PLXDC2: variants seen among roughly 807,000 people sequenced by gnomAD.
PLXDC2 encodes plexin domain containing 2.
PLXDC2 carries 40 observed loss-of-function variants against 68.9 expected under a neutral mutation model. The ratio of observed to expected loss-of-function variants is 0.58; its 90% CI spans 0.45 to 0.76. PLXDC2 has a LOEUF of 0.76. Ranked by LOEUF, PLXDC2 falls within the 30% of genes least tolerant of loss-of-function variation. The pLI, the probability that PLXDC2 is intolerant of heterozygous loss-of-function variation, is 0.00. For missense variants in PLXDC2, 644 were observed against 661.9 expected, an observed-to-expected ratio of 0.97 and a Z score of 0.30; for synonymous variants, 243 against 234.2, an observed-to-expected ratio of 1.04 and a Z score of -0.34.
intron 1 of PLXDC2, among the ~76,000 whole-genome samples, chr10:19,832,516 G>A (rs1836712912): frequency 6.6e-6 from 1 of 152,148 alleles, no homozygotes; most frequent in African/African-American, 2.4e-5. Flanking sequence ...TAAAACATAT[G>A]ACATTTCATG....
At chr10:20,037,796 A>T (rs1265445568) in intron 2 of PLXDC2, among the ~76,000 whole-genome samples, 2 of 152,138 alleles carry the variant, frequency 1.3e-5, no homozygotes, top group Non-Finnish European at 2.9e-5. Context: ...GGACAATCTC[A>T]TCTATGAGAG....
At chr10:20,039,319 T>G (rs1327327211) in intron 2 of PLXDC2, among the ~76,000 whole-genome samples, 1 of 152,156 alleles carries the variant, frequency 6.6e-6, no homozygotes, top group African/African-American at 2.4e-5. Context: ...CATTCAAAAT[T>G]TAGTGGAGAT....
intron 1 of PLXDC2, among the ~76,000 whole-genome samples, chr10:19,837,409 AGTGTGTGTGT>A (rs3043789): frequency 0.041 from 3,400 of 82,520 alleles, 107 homozygotes; most frequent in African/African-American, 0.11. Context: ...AGAGAGAGAG[AGTGTGTGTGT>A]GTGTGTGTGT....
At chr10:20,110,582 C>G (rs1833546302) in intron 4 of PLXDC2, among the ~76,000 whole-genome samples, 1 of 152,172 alleles carries the variant, frequency 6.6e-6, no homozygotes, top group Non-Finnish European at 1.5e-5. Flanking sequence ...CTCCCACTCT[C>G]AGGCATCACC....
intron 2 of PLXDC2, among the ~76,000 whole-genome samples, chr10:20,046,479 A>G (rs1835801446): frequency 6.6e-6 from 1 of 152,088 alleles, no homozygotes; most frequent in South Asian, 2.1e-4. Context: ...TACTGCATAG[A>G]ATATTCTTTT....
chr10:20,234,181 A>AT (rs1588534014), intron 12 of PLXDC2, among the ~76,000 whole-genome samples: 2 of 151,972 alleles, frequency 1.3e-5, no homozygotes, highest in South Asian at 4.2e-4. Context: ...CTTGAATCCC[A>AT]TCCCCCAACA....
At chr10:20,166,229 A>T (rs1449315436) in intron 7 of PLXDC2, among the ~76,000 whole-genome samples, 1 of 152,182 alleles carries the variant, frequency 6.6e-6, no homozygotes, top group East Asian at 1.9e-4. Flanking sequence ...GTTATCTTAC[A>T]ACCGTAAGAT....
At chr10:20,183,308 T>C (rs1455513205) in intron 9 of PLXDC2, among the ~76,000 whole-genome samples, 11 of 151,872 alleles carry the variant, frequency 7.2e-5, no homozygotes, top group Admixed American at 7.2e-4. Flanking sequence ...AGAGTATAAA[T>C]TGAAAGCAGC....
chr10:19,916,392 G>A (rs1242396243), intron 1 of PLXDC2, among the ~76,000 whole-genome samples: 4 of 151,104 alleles, frequency 2.6e-5, no homozygotes, highest in East Asian at 2.0e-4. Flanking sequence ...CAGGTGATCC[G>A]CCCACCTTAG....
At chr10:20,099,026 G>C (rs1400296248) in intron 4 of PLXDC2, among the ~76,000 whole-genome samples, 4 of 152,066 alleles carry the variant, frequency 2.6e-5, no homozygotes, top group African/African-American at 9.7e-5. Context: ...TAATTATTAA[G>C]CAGCTTAAAC....
intron 1 of PLXDC2, among the ~76,000 whole-genome samples, chr10:19,928,213 A>T (rs564377811): frequency 1.1e-3 from 165 of 152,278 alleles, no homozygotes; most frequent in African/African-American, 3.0e-3. Context: ...ACTTAGGTTG[A>T]TTCCATATCT....
chr10:20,265,685 A>T (rs776901353), intron 13 of PLXDC2, among the ~76,000 whole-genome samples: 4 of 152,324 alleles, frequency 2.6e-5, no homozygotes, highest in Admixed American at 6.5e-5. Flanking sequence ...CATTAAAAAG[A>T]TATAGATATT....
chr10:19,959,926 A>G (rs1165938963), intron 1 of PLXDC2, among the ~76,000 whole-genome samples: 3 of 151,942 alleles, frequency 2.0e-5, no homozygotes, highest in African/African-American at 7.3e-5. Flanking sequence ...TCACCTACCT[A>G]TTTTTTCTGT....
At position 19,960,088 on chromosome 10, in the gene PLXDC2, C is replaced by T. The variant is rs954156207; in HGVS notation, c.113-41687C>T. Among the ~76,000 whole-genome samples the T allele has an allele frequency of 6.6e-5, 10 of 150,392 alleles. No homozygotes were observed. In the East Asian group the frequency reaches 7.8e-4, roughly 12 times the overall value. On this transcript the variant is annotated intron_variant, in intron 1 of 13. Coordinates refer to ENST00000377252, the MANE Select transcript of PLXDC2 (RefSeq NM_032812.9). ...ATTGCAGTAACAAGGCCAGGCAAGACGGCTCATGCCTGACATCTCAGTGCT... is the reference window on the plus strand; with the variant it reads ...ATTGCAGTAACAAGGCCAGGCAAGATGGCTCATGCCTGACATCTCAGTGCT...
chr10:19,930,513 T>C (rs944602657), intron 1 of PLXDC2, among the ~76,000 whole-genome samples: 2 of 152,202 alleles, frequency 1.3e-5, no homozygotes, highest in Admixed American at 6.5e-5. Flanking sequence ...ATTTCAGGCA[T>C]ACTGGGCCTG....
rs540354083 is a variant in PLXDC2, at chr10:20,218,553, C to T, written c.1274-511C>T. ...TAACCAGTAAAATAAAAAAGCATAT[C>T]CTACATTTTGTTCAGTCAGGATAAG... On this transcript the variant is annotated intron_variant, in intron 11 of 13. Coordinates refer to ENST00000377252, the MANE Select transcript of PLXDC2 (RefSeq NM_032812.9). 3.3e-5 allele frequency among the ~76,000 whole-genome samples: 5 copies of T among 152,080 alleles called. No homozygotes were observed. The South Asian group carries it at 8.3e-4, about 25-fold the overall frequency.
At chr10:19,947,707 C>CT (rs34439585) in intron 1 of PLXDC2, among the ~76,000 whole-genome samples, 13,601 of 120,854 alleles carry the variant, frequency 0.11, 728 homozygotes, top group Non-Finnish European at 0.14. Flanking sequence ...TTCTTTCTTT[C>CT]TTTTTTTTTT....
intron 1 of PLXDC2, among the ~76,000 whole-genome samples, chr10:19,949,788 G>A (rs916133615): frequency 2.0e-5 from 3 of 152,152 alleles, no homozygotes; most frequent in African/African-American, 7.2e-5. Context: ...AAGTGAAAGT[G>A]TAGTTAGTAA....
intron 2 of PLXDC2, among the ~76,000 whole-genome samples, chr10:20,033,002 G>T (rs895059525): frequency 7.0e-6 from 1 of 143,530 alleles, no homozygotes; most frequent in Non-Finnish European, 1.5e-5. Flanking sequence ...TTGGACACAG[G>T]AAGGGGAACA....
Sources: allele counts gnomAD v4.1 joint callset (sites outside exome capture counted in the v4.1 genomes callset), GRCh38; gene constraint gnomAD v4.1.1; transcripts MANE v1.5; gene names NCBI Gene and HGNC (gene_info 2026-07-23, HGNC 2026-07-21).